TRIM33: variants seen among roughly 807,000 people sequenced by gnomAD.
TRIM33 encodes the protein E3 ubiquitin-protein ligase TRIM33.
TRIM33 carries 20 observed loss-of-function variants against 125.4 expected under a neutral mutation model. The observed-to-expected ratio is 0.16, with a 90% CI of 0.11 to 0.23. TRIM33 has a LOEUF of 0.23. TRIM33 is among the 10% of genes least tolerant of loss of function. The pLI is 1.00. For synonymous variants in TRIM33, 564 were observed against 513.9 expected (o/e 1.10, Z -1.32); for missense variants, 920 against 1,411.4 (o/e 0.65, Z 5.58).
intron 1 of TRIM33, among the ~76,000 whole-genome samples, chr1:114,488,845 T>C (rs1483136579): frequency 2.6e-5 from 4 of 152,000 alleles, no homozygotes; most frequent in Admixed American, 6.6e-5. Context: ...CCCAGCAACA[T>C]AGCAAGAACC....
At position 114,495,103 on chromosome 1, in the gene TRIM33, TG is replaced by T. The variant is rs1272246162; in HGVS notation, c.526+15447del. Among the ~76,000 whole-genome samples the T allele has an allele frequency of 3.9e-5, 6 of 152,116 alleles. No individual in the cohort carries two copies. The East Asian group carries it at 1.2e-3, about 29-fold the overall frequency. On this transcript the variant is annotated intron_variant, in intron 1 of 19. Transcript: ENST00000358465. ...TAATTTTTGTATTTTTAGGTAGAGA[TG>T]GGATTTCACCATGTTGGCCAGGCTG...
At chr1:114,489,263 A>C (rs1651902305) in intron 1 of TRIM33, among the ~76,000 whole-genome samples, 1 of 152,224 alleles carries the variant, frequency 6.6e-6, no homozygotes, top group African/African-American at 2.4e-5. Context: ...TCTTTACCTC[A>C]CAAACAAATT....
intron 1 of TRIM33, among the ~76,000 whole-genome samples, chr1:114,501,845 AG>A (rs1232706032): frequency 6.6e-6 from 1 of 152,250 alleles, no homozygotes; most frequent in African/African-American, 2.4e-5. Flanking sequence ...TGTACTCATT[AG>A]TACCATATAG....
chr1:114,472,941 A>C (rs1160627237), intron 1 of TRIM33, among the ~76,000 whole-genome samples: 1 of 152,134 alleles, frequency 6.6e-6, no homozygotes, highest in Non-Finnish European at 1.5e-5. Flanking sequence ...AAAAAAAAAA[A>C]TTCAGAAGGC....
In TRIM33 at chr1:114,457,965, T is replaced by C. The variant is rs146291418; in HGVS notation, c.923+5139A>G. 4.9e-3 allele frequency among the ~76,000 whole-genome samples: 747 copies of C among 152,364 alleles called. 2 individuals are homozygous for C. Among genetic ancestry groups the C allele is most frequent in the Non-Finnish European group, 8.4e-3 (570 of 68,040 alleles). On this transcript the variant is annotated intron_variant, in intron 4 of 19. Transcript: ENST00000358465. ...TGGTAAAATTCAATAATGTATGTTA[T>C]ACTTGCAACTGCCTTTGCAAAATTA...
chr1:114,483,610 G>A (rs552915359), intron 1 of TRIM33, among the ~76,000 whole-genome samples: 10 of 151,578 alleles, frequency 6.6e-5, no homozygotes, highest in Admixed American at 1.3e-4. Flanking sequence ...ACGGGGTTTC[G>A]CCATGTTGCC....
At chr1:114,466,800 T>C (rs901744185) in intron 1 of TRIM33, among the ~76,000 whole-genome samples, 2 of 152,190 alleles carry the variant, frequency 1.3e-5, no homozygotes, top group Non-Finnish European at 2.9e-5. Context: ...TCCATGTTAG[T>C]CAGGCTGGCG....
chr1:114,450,954 G>A lies in TRIM33; in HGVS notation c.923+12150C>T, dbSNP rs916872765. 3.9e-5 allele frequency among the ~76,000 whole-genome samples: 6 copies of A among 152,076 alleles called. No homozygotes were observed. In the South Asian group the frequency reaches 6.2e-4, roughly 16 times the overall value. ...AATTTATACTGGTCTGCTGGAACTCGTAATTTTTTTCTTTTAAATATTCTT... is the reference window on the plus strand; with the variant it reads ...AATTTATACTGGTCTGCTGGAACTCATAATTTTTTTCTTTTAAATATTCTT... On this transcript the variant is annotated intron_variant, in intron 4 of 19. Transcript: ENST00000358465.
chr1:114,496,032 A>G (rs1652349088), intron 1 of TRIM33, among the ~76,000 whole-genome samples: 1 of 152,264 alleles, frequency 6.6e-6, no homozygotes, highest in African/African-American at 2.4e-5. Flanking sequence ...AACACAAAGC[A>G]GAAAATGTAA....
chr1:114,417,702 A>C (rs1213285553), intron 11 of TRIM33, among the ~76,000 whole-genome samples: 1 of 152,176 alleles, frequency 6.6e-6, no homozygotes, highest in East Asian at 1.9e-4. Context: ...CTTGTTACCC[A>C]GGCTGGAGTG....
chr1:114,511,051 T>C lies in TRIM33; in HGVS notation c.26A>G (p.Glu9Gly). 7.7e-7 allele frequency: 1 copy of C among 1,305,180 alleles called. No individual in the cohort carries two copies. The highest frequency in any genetic ancestry group is 1.9e-5 in the South Asian group (1 of 53,424). 80.8% of individuals were successfully genotyped at this position (1,305,180 alleles called of 1,614,324 possible). MAENKGGG[E>G]AESGGGGSGS... is the part of the protein sequence containing the mutation. The stretch of plus-strand genomic sequence containing the variant: ...GCTGCCCCCGCCGCCGCTCTCAGCC[T>C]CGCCGCCGCCTTTGTTTTCCGCCAT... Residue 9 changes from glutamate (E) to glycine (G), a missense_variant, in exon 1 of 20, where the codon GAG becomes GGG. Transcript: ENST00000358465.
chr1:114,405,721 T>G lies in TRIM33; in HGVS notation c.2457A>C (p.Ser819=). 1 of 1,614,128 alleles carries G rather than the reference T, an allele frequency of 6.2e-7. No individual in the cohort carries two copies. The highest frequency in any genetic ancestry group is 8.5e-7 in the Non-Finnish European group (1 of 1,179,980). The part of the protein sequence containing the change: ...SPESSLTPPL[S]TNLHLESELD... ...ATTCACTTTCTAGATGCAGGTTGGT[T>G]GAGAGAGGTGGTGTCAAGCTACTCT... The change falls in exon 15 of 20, where the codon TCA becomes TCC. Residue 819 remains serine (S), a synonymous_variant. Transcript: ENST00000358465.
At chr1:114,432,640 G>T (rs993974976) in intron 5 of TRIM33, among the ~76,000 whole-genome samples, 11 of 152,070 alleles carry the variant, frequency 7.2e-5, no homozygotes, top group Non-Finnish European at 1.3e-4. Context: ...CAAAAAATTA[G>T]CCGAGCATGG....
intron 1 of TRIM33, among the ~76,000 whole-genome samples, chr1:114,493,478 T>C (rs1652190637): frequency 6.6e-6 from 1 of 152,224 alleles, no homozygotes; most frequent in African/African-American, 2.4e-5. Flanking sequence ...AGAGACAGGA[T>C]CTCACTATGT....
chr1:114,489,135 T>C (rs752795822), intron 1 of TRIM33, among the ~76,000 whole-genome samples: 1 of 152,194 alleles, frequency 6.6e-6, no homozygotes, highest in Non-Finnish European at 1.5e-5. Flanking sequence ...ACCCTCACAT[T>C]TACCCAGTCA....
chr1:114,480,008 T>G (rs1462730677), intron 1 of TRIM33, among the ~76,000 whole-genome samples: 1 of 152,142 alleles, frequency 6.6e-6, no homozygotes, highest in African/African-American at 2.4e-5. Context: ...GAACAGGCCA[T>G]GATGATGATG....
At chr1:114,490,980 T>C (rs1652026356) in intron 1 of TRIM33, 1 of 152,128 alleles carries the variant, frequency 6.6e-6, no homozygotes, top group African/African-American at 2.4e-5. Context: ...ATAAAGTAGA[T>C]TAATGGCTGC....
At chr1:114,414,685 A>C (rs1488394702) in intron 11 of TRIM33, among the ~76,000 whole-genome samples, 2 of 152,168 alleles carry the variant, frequency 1.3e-5, no homozygotes, top group Non-Finnish European at 2.9e-5. Context: ...GGTTTTAAAA[A>C]ATCTATAAAT....
chr1:114,399,360 A>C, intron 18 of TRIM33, 97 bp downstream of exon 18: 1 of 1,285,352 alleles, frequency 7.8e-7, no homozygotes, highest in Non-Finnish European at 1.1e-6. Context: ...TTAGCAGAAA[A>C]AAAAATTTTA....
Sources: allele counts gnomAD v4.1 joint callset (sites outside exome capture counted in the v4.1 genomes callset), GRCh38; gene constraint gnomAD v4.1.1; transcripts MANE v1.5; gene names NCBI Gene and HGNC (gene_info 2026-07-23, HGNC 2026-07-21).